SLC39A14: variants seen among roughly 807,000 people sequenced by gnomAD.
SLC39A14 encodes the protein metal cation symporter ZIP14.
Under a neutral mutation model 45.5 loss-of-function variants are expected in SLC39A14, and 19 were observed. The observed-to-expected ratio is 0.42, with a 90% CI of 0.29 to 0.61. SLC39A14 has a LOEUF of 0.61. Ranked by LOEUF, SLC39A14 falls within the 20% of genes least tolerant of loss-of-function variation. The probability of loss-of-function intolerance (pLI) is 0.22; values close to 1 mark genes in which losing one functional copy is unlikely to be tolerated. For missense variants in SLC39A14, 447 were observed against 616.5 expected (o/e 0.73, Z 2.91); for synonymous variants, 264 against 251.3 (o/e 1.05, Z -0.48).
intron 1 of SLC39A14, among the ~76,000 whole-genome samples, chr8:22,395,108 C>T (rs749274118): frequency 6.6e-6 from 1 of 151,704 alleles, no homozygotes; most frequent in Non-Finnish European, 1.5e-5. Flanking sequence ...CTCCCGGGTT[C>T]AAGCAATTCC....
intron 1 of SLC39A14, among the ~76,000 whole-genome samples, chr8:22,385,063 A>AAAAAAC (rs980261544): frequency 2.0e-5 from 3 of 152,098 alleles, no homozygotes; most frequent in African/African-American, 4.8e-5. Context: ...AAAAAACACA[A>AAAAAAC]AAAAACAAAA....
intron 1 of SLC39A14, among the ~76,000 whole-genome samples, chr8:22,386,272 T>G (rs1299672429): frequency 6.7e-6 from 1 of 150,218 alleles, no homozygotes; most frequent in Admixed American, 6.6e-5. Context: ...GATGACTTTT[T>G]TTTTTTTTTT....
intron 1 of SLC39A14, among the ~76,000 whole-genome samples, chr8:22,404,076 A>ACTG (rs1835049479): frequency 6.6e-6 from 1 of 151,666 alleles, no homozygotes; most frequent in African/African-American, 2.4e-5. Flanking sequence ...AGCAGTCCCC[A>ACTG]GATATAAGAT....
intron 3 of SLC39A14, 147 bp from the exon 4 acceptor site, chr8:22,411,890 T>C: frequency 1.5e-6 from 1 of 681,554 alleles, no homozygotes; most frequent in Non-Finnish European, 2.4e-6. Flanking sequence ...GATTTTTCTT[T>C]TTTGTTCCGT....
In SLC39A14 at chr8:22,367,527, C is replaced by G. The variant is rs1180119646; in HGVS notation, c.-16+119C>G. ...TGCGCCGAGGACCGGGCGCCGCTCC[C>G]GGGCACCGGCACACGCCCGGACGGC... On this transcript the variant is annotated intron_variant, in intron 1 of 8. Transcript: ENST00000381237. This position sits in a 1 kb window ranked among gnomAD's most constrained non-coding sequence, Gnocchi z 4.2. 1 of 152,308 alleles carries G rather than the reference C, an allele frequency of 6.6e-6. No homozygotes were observed. Among genetic ancestry groups the G allele is most frequent in the Non-Finnish European group, 1.5e-5 (1 of 68,166 alleles). The allele number at this position is 152,308 out of a possible 1,614,324, so 9.4% of individuals were successfully genotyped here.
At chr8:22,425,206 G>A (rs906156223), downstream of SLC39A14, among the ~76,000 whole-genome samples, 1 of 152,130 alleles carries the variant, frequency 6.6e-6, no homozygotes, top group Non-Finnish European at 1.5e-5. Flanking sequence ...TGAGAGAGGT[G>A]TACTTGTGGC....
intron 1 of SLC39A14, among the ~76,000 whole-genome samples, chr8:22,388,917 T>C (rs1017531842): frequency 2.6e-5 from 4 of 152,206 alleles, no homozygotes; most frequent in Non-Finnish European, 5.9e-5. Context: ...GGGGCTTTTT[T>C]ATTAATCTGT....
At chr8:22,433,671 C>A (rs1836501318) in intron 8 of SLC39A14, among the ~76,000 whole-genome samples, 1 of 151,494 alleles carries the variant, frequency 6.6e-6, no homozygotes. Context: ...GCAATCCTCC[C>A]ATCTCAGCCT....
chr8:22,429,607 A>G (rs535100442), intron 8 of SLC39A14, among the ~76,000 whole-genome samples: 1 of 152,212 alleles, frequency 6.6e-6, no homozygotes, highest in Non-Finnish European at 1.5e-5. Flanking sequence ...CTTTAATTTC[A>G]TTTATAATTG....
chr8:22,382,074 G>A (rs35305849), intron 1 of SLC39A14, among the ~76,000 whole-genome samples: 34,776 of 152,000 alleles, frequency 0.23, 4,739 homozygotes, highest in East Asian at 0.49. Flanking sequence ...CCAGGGAGGG[G>A]GAGGTTGCAG....
At position 22,421,319 on chromosome 8, in the gene SLC39A14, A is replaced by G. The variant is rs1478142875; in HGVS notation, c.*1621A>G. The stretch of plus-strand genomic sequence containing the variant: ...GTTTTGTTTTCTCTTCTTGGGAGAC[A>G]TCTGTCAAACCAGGAATATTCTTGA... On this transcript the variant is annotated 3_prime_UTR_variant, in exon 9 of 9. Transcript: ENST00000381237. The G allele has an allele frequency of 1.0e-6, 1 of 985,780 alleles. No homozygotes were observed. The highest frequency in any genetic ancestry group is 1.2e-6 in the Non-Finnish European group (1 of 829,946). The allele number at this position is 985,780 out of a possible 1,614,324, so 61.1% of individuals were successfully genotyped here. A position where few individuals can be genotyped will look rare whatever the true frequency, so the allele number is the denominator to read the frequency against.
At chr8:22,432,640 G>A (rs897523753) in intron 8 of SLC39A14, among the ~76,000 whole-genome samples, 4 of 129,592 alleles carry the variant, frequency 3.1e-5, no homozygotes, top group South Asian at 2.6e-4. Context: ...CACCGTGCCC[G>A]GCTAATTTTT....
chr8:22,397,892 C>A (rs920053317), intron 1 of SLC39A14, among the ~76,000 whole-genome samples: 2 of 152,152 alleles, frequency 1.3e-5, no homozygotes, highest in Non-Finnish European at 1.5e-5. Flanking sequence ...GGGAGAGAAC[C>A]CCAAGAGAGT....
At chr8:22,407,696 A>T (rs1835306543) in intron 2 of SLC39A14, among the ~76,000 whole-genome samples, 1 of 139,814 alleles carries the variant, frequency 7.2e-6, no homozygotes, top group Non-Finnish European at 1.5e-5. Context: ...TACCCTAGTG[A>T]CAATATTTTG....
intron 5 of SLC39A14, chr8:22,415,117 T>A (rs144143221): frequency 1.3e-4 from 74 of 553,280 alleles, no homozygotes; most frequent in African/African-American, 1.3e-3. Context: ...CAGGGTGCCT[T>A]CTACTAAGCA....
intron 3 of SLC39A14, among the ~76,000 whole-genome samples, chr8:22,409,388 T>C (rs1405347406): frequency 4.4e-5 from 4 of 91,352 alleles, no homozygotes; most frequent in African/African-American, 1.2e-4. Context: ...GTTTTTTTTG[T>C]TTGTTTGTTT....
intron 1 of SLC39A14, among the ~76,000 whole-genome samples, chr8:22,374,480 A>G (rs1033015987): frequency 3.9e-5 from 6 of 152,086 alleles, no homozygotes; most frequent in African/African-American, 1.4e-4. Context: ...GGACTGAGCC[A>G]CATCTTGAAA....
At chr8:22,382,453 G>A (rs1328812665) in intron 1 of SLC39A14, among the ~76,000 whole-genome samples, 1 of 151,988 alleles carries the variant, frequency 6.6e-6, no homozygotes, top group Non-Finnish European at 1.5e-5. Flanking sequence ...GGGGAGGATT[G>A]CTTGAGTTTT....
chr8:22,409,887 A>G, intron 3 of SLC39A14: 2 of 1,583,200 alleles, frequency 1.3e-6, no homozygotes, highest in Non-Finnish European at 1.7e-6. Flanking sequence ...CGCCCCAGGC[A>G]GCAGGAGTGT....
Sources: gnomAD v4.1 joint callset for allele counts (sites outside exome capture counted in the v4.1 genomes callset) on GRCh38, gnomAD v4.1.1 for gene constraint, Gnocchi (gnomAD v3.1) non-coding constraint, MANE v1.5 for transcripts, NCBI Gene and HGNC (gene_info 2026-07-23, HGNC 2026-07-21) for gene names.